USF3: variants seen among roughly 807,000 people sequenced by gnomAD.
USF3 encodes the protein upstream transcription factor family member 3.
Under a neutral mutation model 157.5 loss-of-function variants are expected in USF3, and 29 were observed. The ratio of observed to expected loss-of-function variants is 0.18; its 90% confidence interval spans 0.14 to 0.25. USF3 has a LOEUF of 0.25. USF3 is among the 10% of genes least tolerant of loss of function. The pLI, the probability that USF3 is intolerant of heterozygous loss-of-function variation, is 1.00. For missense variants in USF3, 2,381 were observed against 2,667.6 expected (o/e 0.89, Z 2.37); for synonymous variants, 893 against 941.4 (o/e 0.95, Z 0.94).
chr3:113,673,350 G>A lies in USF3; in HGVS notation c.74C>T (p.Ala25Val), dbSNP rs1372634638. The A allele has an allele frequency of 1.2e-6, 2 of 1,601,082 alleles. No individual in the cohort carries two copies. The highest frequency in any genetic ancestry group is 1.7e-6 in the Non-Finnish European group (2 of 1,170,878). The change falls in exon 4 of 7, where the codon GCA (alanine) becomes GTA (valine). Residue 25 changes from alanine (A) to valine (V), a missense_variant and splice_region_variant. By Grantham distance (64) the Ala-to-Val change is moderately conservative (BLOSUM62 0). Transcript: ENST00000316407. Reference protein sequence around the residue: ...HRKKNRETHNAVERHRKKKIN... With the variant: ...HRKKNRETHNVVERHRKKKIN... ...GGTAAAATTTAAATTGTTTCTACCT[G>A]CATTGTGTGTCTCCCGGTTTTTCTT...
At chr3:113,696,067 G>A (rs1291020917) in intron 1 of USF3, among the ~76,000 whole-genome samples, 1 of 152,248 alleles carries the variant, frequency 6.6e-6, no homozygotes, top group Non-Finnish European at 1.5e-5. Flanking sequence ...GCAGCGTGGG[G>A]CCCCTCTCGC....
Position 113,656,155 on chromosome 3 carries a change from G to C in USF3, c.5527C>G (p.Gln1843Glu). 2 of 1,614,140 alleles carry C rather than the reference G, an allele frequency of 1.2e-6. No homozygotes were observed. The highest frequency in any genetic ancestry group is 1.7e-6 in the Non-Finnish European group (2 of 1,180,018). Residue 1843 changes from glutamine (Q) to glutamate (E), a missense_variant, in exon 7 of 7, where the codon CAG (glutamine) becomes GAG (glutamate). Gln to Glu is a conservative substitution (Grantham distance 29, BLOSUM62 2). This residue lies in a region of USF3 where 770 missense variants were observed against 824.2 expected (regional missense o/e 0.93). Coordinates refer to ENST00000316407, the MANE Select transcript of USF3 (RefSeq NM_001009899.4). ...GATGGACCACACTGTGTATTCCTCT[G>C]ATGTTCTGAGAGTGACCTCTGGCTC... The part of the protein sequence containing the change: ...IGSQRSLSEH[Q>E]RNTQCGPSSA...
Position 113,654,351 on chromosome 3 carries a change from T to C in USF3, c.*593A>G, listed in dbSNP as rs1206526446. On this transcript the variant is annotated 3_prime_UTR_variant, in exon 7 of 7. Transcript: ENST00000316407. ...ACATAAAATTCAGATAATTTATGCA[T>C]TGTTATAATTTAGAAAGAAGCCTGT... The C allele has an allele frequency of 6.5e-6, 1 of 152,706 alleles. No homozygotes were observed. Among genetic ancestry groups the C allele is most frequent in the African/African-American group, 2.4e-5 (1 of 41,472 alleles). The allele number at this position is 152,706 out of a possible 1,614,324, so 9.5% of individuals were successfully genotyped here. A position where few individuals can be genotyped will look rare whatever the true frequency, so the allele number is the denominator to read the frequency against.
chr3:113,671,765 CTTTTT>C (rs10686146), intron 4 of USF3, among the ~76,000 whole-genome samples: 2 of 113,142 alleles, frequency 1.8e-5, no homozygotes, highest in Admixed American at 9.7e-5. Context: ...TTTCTTCTTC[CTTTTT>C]TTTTTTTTTT....
intron 5 of USF3, among the ~76,000 whole-genome samples, chr3:113,667,776 A>C (rs1013025681): frequency 1.3e-5 from 2 of 152,168 alleles, no homozygotes; most frequent in Non-Finnish European, 2.9e-5. Context: ...CTGAGGCAAG[A>C]GAATCACTTG....
Position 113,659,635 on chromosome 3 carries a change from T to A in USF3, c.2047A>T (p.Thr683Ser). 1 of 1,614,234 alleles carries A rather than the reference T, an allele frequency of 6.2e-7. No homozygotes were observed. Among genetic ancestry groups the A allele is most frequent in the Admixed American group, 1.7e-5 (1 of 60,036 alleles). Residue 683 changes from threonine (T) to serine (S), a missense_variant, in exon 7 of 7, where the codon ACA (threonine) becomes TCA (serine). Physicochemically the swap from Thr to Ser is moderately conservative, Grantham distance 58. This residue lies in a region of USF3 where 1,435 missense variants were observed against 1,550.9 expected (regional missense o/e 0.93). Transcript: ENST00000316407. The part of the protein sequence containing the change: ...LQPVMSSSGT[T>S]NQTPMQIIQP... ...ATAATTTGCATAGGGGTTTGATTTGTAGTTCCTGATGAAGACATCACAGGC... is the reference window on the plus strand; with the variant it reads ...ATAATTTGCATAGGGGTTTGATTTGAAGTTCCTGATGAAGACATCACAGGC...
intron 1 of USF3, among the ~76,000 whole-genome samples, chr3:113,686,664 C>T (rs764404045): frequency 6.6e-6 from 1 of 152,230 alleles, no homozygotes; most frequent in African/African-American, 2.4e-5. Context: ...ATTCAGCCAT[C>T]TTGCTCTGCC....
At chr3:113,664,145 C>G (rs947973296) in intron 6 of USF3, among the ~76,000 whole-genome samples, 168 bp downstream of exon 6, 2 of 152,120 alleles carry the variant, frequency 1.3e-5, no homozygotes, top group African/African-American at 4.8e-5. Context: ...AAGAGTTAGA[C>G]TAAAATGAAT....
At chr3:113,670,460 G>A (rs907846197) in intron 4 of USF3, among the ~76,000 whole-genome samples, 2 of 152,136 alleles carry the variant, frequency 1.3e-5, no homozygotes, top group Admixed American at 6.5e-5. Flanking sequence ...GTAGCTGGGC[G>A]TGGTGGCACA....
intron 5 of USF3, among the ~76,000 whole-genome samples, chr3:113,668,375 C>A (rs529877220): frequency 6.6e-6 from 1 of 152,036 alleles, no homozygotes; most frequent in South Asian, 2.1e-4. Context: ...ATAATAGCAA[C>A]CTCTTCCTCT....
At chr3:113,673,830 T>C (rs575694491) in intron 3 of USF3, among the ~76,000 whole-genome samples, 2 of 152,312 alleles carry the variant, frequency 1.3e-5, no homozygotes, top group Admixed American at 6.5e-5. Flanking sequence ...GGGAGGGAGA[T>C]GTGGCAGCCA....
At position 113,656,544 on chromosome 3, in the gene USF3, G is replaced by GTTC; in HGVS notation, c.5137_5138insGAA (p.Ala1713delinsGlyThr). ...CACACGACCCTGCATATTATGAATA[G>GTTC]CCAAACTCTTATTTCTGGGAACATC... On this transcript the variant is annotated protein_altering_variant, in exon 7 of 7. Transcript: ENST00000316407. 1.9e-6 allele frequency: 3 copies of GTTC among 1,614,170 alleles called. No homozygotes were observed. The highest frequency in any genetic ancestry group is 2.5e-6 in the Non-Finnish European group (3 of 1,180,020).
intron 1 of USF3, among the ~76,000 whole-genome samples, chr3:113,681,290 T>C (rs971146452): frequency 1.3e-5 from 2 of 152,060 alleles, no homozygotes; most frequent in Non-Finnish European, 2.9e-5. Flanking sequence ...GAAGTTTTTC[T>C]ACTTTTTTGA....
intron 1 of USF3, among the ~76,000 whole-genome samples, chr3:113,693,809 G>C (rs899906971): frequency 6.6e-6 from 1 of 152,140 alleles, no homozygotes; most frequent in African/African-American, 2.4e-5. Flanking sequence ...AGTGTAATTA[G>C]AACTATTATT....
rs78816811 is a variant in USF3, at chr3:113,684,859, T to G, written c.-134-7462A>C. On this transcript the variant is annotated intron_variant, in intron 1 of 6. Coordinates refer to ENST00000316407, the MANE Select transcript of USF3 (RefSeq NM_001009899.4). ...CTGGAATTGGTCACTGGTGTCTTAT[T>G]TAGTTCATTCAGTGAGGTCATGTTT... 2.5e-3 allele frequency among the ~76,000 whole-genome samples: 386 copies of G among 152,288 alleles called. 5 individuals are homozygous for G. The highest frequency in any genetic ancestry group is 9.0e-3 in the African/African-American group (374 of 41,556).
intron 1 of USF3, among the ~76,000 whole-genome samples, chr3:113,686,149 T>C (rs1242436868): frequency 6.6e-6 from 1 of 152,198 alleles, no homozygotes; most frequent in African/African-American, 2.4e-5. Flanking sequence ...TGGGGCTAGC[T>C]GGAACTCATG....
rs1226822255 is a variant in USF3 at position 113,659,134 on chromosome 3, A to G, written c.2548T>C (p.Ser850Pro). 1 of 1,614,202 alleles carries G rather than the reference A, an allele frequency of 6.2e-7. No homozygotes were observed. Among genetic ancestry groups the G allele is most frequent in the Non-Finnish European group, 8.5e-7 (1 of 1,180,036 alleles). The change falls in exon 7 of 7, where the codon TCT (serine) becomes CCT (proline). Residue 850 changes from serine (S) to proline (P), a missense_variant. Ser to Pro is a moderately conservative substitution (Grantham distance 74, BLOSUM62 -1). Coordinates refer to ENST00000316407, the MANE Select transcript of USF3 (RefSeq NM_001009899.4). The stretch of plus-strand genomic sequence containing the variant: ...CTATTTGCCTGAGACACAGAGACAG[A>G]TGGTAACACAGCAGGGAAGCTTTCT... Reference protein sequence around the residue: ...LLESFPAVLPSVSVSQANSVS... With the variant: ...LLESFPAVLPPVSVSQANSVS...
chr3:113,669,308 T>C (rs531757412), intron 5 of USF3, among the ~76,000 whole-genome samples: 1 of 150,460 alleles, frequency 6.6e-6, no homozygotes, highest in African/African-American at 2.4e-5. Flanking sequence ...TTTAGAAATA[T>C]AACAGTAAAA....
In USF3 at chr3:113,658,378, A is replaced by C. The variant is rs374785035; in HGVS notation, c.3304T>G (p.Ser1102Ala). 2.5e-6 allele frequency: 4 copies of C among 1,614,038 alleles called. No homozygotes were observed. The highest frequency in any genetic ancestry group is 2.5e-6 in the Non-Finnish European group (3 of 1,180,036). The change falls in exon 7 of 7, where the codon TCC (serine) becomes GCC (alanine). Residue 1102 changes from serine (S) to alanine (A), a missense_variant. This residue lies in a region of USF3 where 1,435 missense variants were observed against 1,550.9 expected (regional missense o/e 0.93). Transcript: ENST00000316407. ...TCTCTTGTTGTTTCAGGAAGCATGGATGCAACTGAGAAACTACGACTACTG... is the reference window on the plus strand; with the variant it reads ...TCTCTTGTTGTTTCAGGAAGCATGGCTGCAACTGAGAAACTACGACTACTG... Reference protein sequence around the residue: ...SGSSRSFSVASMLPETTREDV... With the variant: ...SGSSRSFSVAAMLPETTREDV...
Sources: allele counts gnomAD v4.1 joint callset (sites outside exome capture counted in the v4.1 genomes callset), GRCh38; gene constraint gnomAD v4.1.1; regional missense constraint gnomAD v4.1.1; transcripts MANE v1.5; gene names NCBI Gene and HGNC (gene_info 2026-07-23, HGNC 2026-07-21).